ZPBP: variants seen among roughly 807,000 people sequenced by gnomAD.
ZPBP encodes the protein zona pellucida-binding protein 1.
Under a neutral mutation model 44.8 loss-of-function variants are expected in ZPBP, and 26 were observed. That is an observed-to-expected ratio of 0.58 (90% CI 0.43 to 0.81). The LOEUF (loss-of-function observed/expected upper bound fraction) is 0.81, where lower values mean the gene tolerates loss of function less well. Ranked by LOEUF, ZPBP falls within the 30% of genes least tolerant of loss-of-function variation. The pLI is 0.00. For missense variants in ZPBP, 409 were observed against 434.0 expected, an observed-to-expected ratio of 0.94 and a Z score of 0.51; for synonymous variants, 174 against 153.2, an observed-to-expected ratio of 1.14 and a Z score of -1.00.
intron 1 of ZPBP, among the ~76,000 whole-genome samples, chr7:49,906,438 C>T (rs564090856): frequency 6.6e-6 from 1 of 152,182 alleles, no homozygotes; most frequent in South Asian, 2.1e-4. Flanking sequence ...TGGGTTCACG[C>T]CATTTTCCTG....
chr7:49,911,652 T>C (rs778681942), intron 1 of ZPBP, among the ~76,000 whole-genome samples: 1 of 151,996 alleles, frequency 6.6e-6, no homozygotes, highest in Non-Finnish European at 1.5e-5. Flanking sequence ...ATCTGAGCAC[T>C]TTGGGAAGCC....
chr7:49,852,916 A>G (rs577238689), intron 2 of ZPBP, among the ~76,000 whole-genome samples: 1 of 152,340 alleles, frequency 6.6e-6, no homozygotes, highest in African/African-American at 2.4e-5. Context: ...GACTTGGGTA[A>G]CTACAAGAAT....
At chr7:50,065,734 G>A (rs1801472019) in intron 3 of ZPBP, among the ~76,000 whole-genome samples, 1 of 150,936 alleles carries the variant, frequency 6.6e-6, no homozygotes, top group Admixed American at 6.6e-5. Context: ...ATATCGTTTT[G>A]GTTGATGGGA....
At chr7:50,045,688 G>A (rs182634876) in intron 4 of ZPBP, among the ~76,000 whole-genome samples, 1 of 152,262 alleles carries the variant, frequency 6.6e-6, no homozygotes, top group African/African-American at 2.4e-5. Flanking sequence ...TCATGGATAG[G>A]AAGAATCAAT....
At chr7:49,979,383 G>A (rs1796674354) in intron 7 of ZPBP, among the ~76,000 whole-genome samples, 1 of 151,992 alleles carries the variant, frequency 6.6e-6, no homozygotes, top group Non-Finnish European at 1.5e-5. Context: ...ATATTCAGGA[G>A]CACAAAACAG....
intron 5 of ZPBP, among the ~76,000 whole-genome samples, chr7:50,020,400 T>C (rs1487977791): frequency 6.6e-6 from 1 of 152,068 alleles, no homozygotes; most frequent in Non-Finnish European, 1.5e-5. Flanking sequence ...CTTTTCAGAA[T>C]CAGTATACAC....
At position 49,955,479 on chromosome 7, in the gene ZPBP, C is replaced by T. The variant is rs7809815; in HGVS notation, c.962-17857G>A. 4.6e-3 allele frequency among the ~76,000 whole-genome samples: 704 copies of T among 152,116 alleles called. 5 individuals carry two copies. The highest frequency in any genetic ancestry group is 0.016 in the African/African-American group (662 of 41,498). ...GGCAGAGGCAGGAGAATCACCTGAA[C>T]CTAGGAGGCAGAGATTGCGGTGAGC... On this transcript the variant is annotated intron_variant, in intron 7 of 7. Coordinates refer to ENST00000046087, the MANE Select transcript of ZPBP (RefSeq NM_007009.3).
chr7:49,965,992 T>C (rs1276613763), intron 7 of ZPBP, among the ~76,000 whole-genome samples: 1 of 152,036 alleles, frequency 6.6e-6, no homozygotes, highest in Non-Finnish European at 1.5e-5. Flanking sequence ...TTAGACAAAG[T>C]ACATTTCAGA....
chr7:50,030,928 C>T (rs1436124270), intron 5 of ZPBP, among the ~76,000 whole-genome samples, 164 bp downstream of exon 5: 1 of 152,124 alleles, frequency 6.6e-6, no homozygotes, highest in Non-Finnish European at 1.5e-5. Flanking sequence ...CAGCAGAATT[C>T]TATTTGAGGG....
At chr7:50,080,660 T>C (rs1802311284) in intron 3 of ZPBP, among the ~76,000 whole-genome samples, 1 of 151,856 alleles carries the variant, frequency 6.6e-6, no homozygotes, top group South Asian at 2.1e-4. Context: ...ATGTTTCTAT[T>C]ACATTATGTG....
At chr7:49,970,443 C>A (rs1796250400) in intron 7 of ZPBP, among the ~76,000 whole-genome samples, 1 of 144,162 alleles carries the variant, frequency 6.9e-6, no homozygotes, top group African/African-American at 2.6e-5. Context: ...TATACAGAAC[C>A]CTCCACACAA....
intron 4 of ZPBP, among the ~76,000 whole-genome samples, chr7:50,053,849 A>T (rs929980959): frequency 1.3e-5 from 2 of 152,138 alleles, no homozygotes; most frequent in African/African-American, 4.8e-5. Context: ...GTTTTTAAAA[A>T]ATAGGCCTAG....
At chr7:49,860,934 G>T (rs1360700895) in intron 2 of ZPBP, among the ~76,000 whole-genome samples, 5 of 152,148 alleles carry the variant, frequency 3.3e-5, no homozygotes, top group African/African-American at 1.2e-4. Flanking sequence ...CTTGACCTTG[G>T]ACTTTCTGCC....
intron 7 of ZPBP, among the ~76,000 whole-genome samples, chr7:49,976,935 T>C (rs1230506961): frequency 2.0e-5 from 3 of 151,760 alleles, no homozygotes; most frequent in African/African-American, 7.3e-5. Context: ...ACCCCGTCCC[T>C]ACTAAAAACA....
intron 6 of ZPBP, among the ~76,000 whole-genome samples, chr7:49,999,281 T>A (rs1797993958): frequency 6.7e-6 from 1 of 150,150 alleles, no homozygotes; most frequent in Admixed American, 6.7e-5. Flanking sequence ...TATATATATA[T>A]ACTATATATA....
chr7:49,878,931 T>C (rs936492547), intron 2 of ZPBP, among the ~76,000 whole-genome samples: 3 of 152,214 alleles, frequency 2.0e-5, no homozygotes, highest in East Asian at 1.9e-4. Context: ...GAATATTTAC[T>C]GTTTGTCCCT....
chr7:49,903,414 T>A (rs529940850), intron 1 of ZPBP, among the ~76,000 whole-genome samples: 4 of 152,350 alleles, frequency 2.6e-5, no homozygotes. Flanking sequence ...TTAAAAGGAA[T>A]GAACTATTGA....
intron 1 of ZPBP, chr7:49,918,503 T>C (rs1302384210): frequency 6.6e-6 from 1 of 152,220 alleles, no homozygotes; most frequent in Admixed American, 6.5e-5. Context: ...TTATGCTATA[T>C]TTTGTTTCCT....
At chr7:49,969,299 T>C (rs1266774140) in intron 7 of ZPBP, among the ~76,000 whole-genome samples, 2 of 150,530 alleles carry the variant, frequency 1.3e-5, no homozygotes, top group Non-Finnish European at 3.0e-5. Context: ...TAGTAAGTTA[T>C]AACATAACAA....
Sources: gnomAD v4.1 joint callset for allele counts (sites outside exome capture counted in the v4.1 genomes callset) on GRCh38, gnomAD v4.1.1 for gene constraint, MANE v1.5 for transcripts, NCBI Gene and HGNC (gene_info 2026-07-23, HGNC 2026-07-21) for gene names.